RPA3: variants seen among roughly 807,000 people sequenced by gnomAD.
The protein encoded by RPA3 is replication protein A 14 kDa subunit.
In RPA3, 24 loss-of-function variants were observed where a neutral mutation model predicts 13.7. The observed-to-expected ratio is 1.75, with a 90% confidence interval of 1.27 to 2.46. The LOEUF (loss-of-function observed/expected upper bound fraction) is 2.46. Ranked by LOEUF, RPA3 falls within the 30% of genes most tolerant of loss-of-function variation. The pLI is 0.00. For synonymous variants in RPA3, 59 were observed against 51.2 expected, an observed-to-expected ratio of 1.15 and a Z score of -0.65; for missense variants, 183 against 151.0, an observed-to-expected ratio of 1.21 and a Z score of -1.11.
chr7:7,640,452 C>G lies in RPA3; in HGVS notation c.-34G>C. ...TCCAAGACTGCGGCTGGCGGGAAAC[C>G]CACGGACGACTGAAACTGTGCGCCC... On this transcript the variant is annotated 5_prime_UTR_variant, in exon 5 of 8. Coordinates refer to ENST00000223129, the MANE Select transcript of RPA3 (RefSeq NM_002947.5). The G allele has an allele frequency of 6.2e-7, 1 of 1,600,202 alleles. No homozygotes were observed. The highest frequency in any genetic ancestry group is 8.6e-7 in the Non-Finnish European group (1 of 1,169,134).
At chr7:7,638,843 T>C (rs1373443604) in intron 6 of RPA3, 5 of 384,268 alleles carry the variant, frequency 1.3e-5, no homozygotes, top group African/African-American at 6.2e-5. Context: ...TTATCCAACA[T>C]TTATGGGATA....
chr7:7,711,522 T>C (rs928311547), intron 2 of RPA3, among the ~76,000 whole-genome samples: 7 of 152,360 alleles, frequency 4.6e-5, no homozygotes, highest in African/African-American at 1.4e-4. Flanking sequence ...CATGTAATAC[T>C]GTGAGACTTA....
intron 4 of RPA3, among the ~76,000 whole-genome samples, chr7:7,642,316 TTG>T (rs1554307558): frequency 2.0e-5 from 3 of 150,448 alleles, no homozygotes; most frequent in Admixed American, 2.0e-4. Flanking sequence ...GATTTTTTTT[TTG>T]TTGTTTGTTT....
In RPA3 at chr7:7,694,097, G is replaced by A. The variant is rs113661245; in HGVS notation, c.-1027-6769C>T. 5.8e-3 allele frequency among the ~76,000 whole-genome samples: 885 copies of A among 152,128 alleles called. 11 individuals are homozygous for A. The highest frequency in any genetic ancestry group is 0.02 in the African/African-American group (841 of 41,502). On this transcript the variant is annotated intron_variant, in intron 2 of 7. Coordinates refer to ENST00000223129, the MANE Select transcript of RPA3 (RefSeq NM_002947.5). ...GATTTTTCTCCATACCTATAGAGGG[G>A]CACTATGAAGTAGTTGGAAATTTGT...
At position 7,708,505 on chromosome 7, in the gene RPA3, T is replaced by G. The variant is rs527651450; in HGVS notation, c.-1028+6670A>C. 6.6e-5 allele frequency among the ~76,000 whole-genome samples: 10 copies of G among 152,306 alleles called. 1 individual carries two copies. The highest frequency in any genetic ancestry group is 2.4e-4 in the African/African-American group (10 of 41,574). On this transcript the variant is annotated intron_variant, in intron 2 of 7. Transcript: ENST00000223129. The stretch of plus-strand genomic sequence containing the variant: ...GATATAAGGGGATCAGGTCTAACAC[T>G]CTGTTAAGAAATTAATAGGATCTTT...
intron 4 of RPA3, among the ~76,000 whole-genome samples, chr7:7,664,293 C>T (rs10275145): frequency 0.04 from 6,110 of 152,212 alleles, 383 homozygotes; most frequent in African/African-American, 0.14. Flanking sequence ...CCATCTTAAT[C>T]CAGTCCCGTT....
rs1386724477 is a variant in RPA3 at position 7,647,464 on chromosome 7, G to C, written c.-757-6289C>G. 2.0e-5 allele frequency among the ~76,000 whole-genome samples: 3 copies of C among 152,130 alleles called. No homozygotes were observed. The East Asian group carries it at 5.8e-4, about 29-fold the overall frequency. On this transcript the variant is annotated intron_variant, in intron 4 of 7. Coordinates refer to ENST00000223129, the MANE Select transcript of RPA3 (RefSeq NM_002947.5). Reference sequence around the variant, plus strand: ...AAAAAAATGTATTTTCCAGTTGTTGGATCCAGTGTGTAAATTGCACTGTTC... The same window carrying C: ...AAAAAAATGTATTTTCCAGTTGTTGCATCCAGTGTGTAAATTGCACTGTTC...
chr7:7,676,201 C>T (rs931642216), intron 4 of RPA3: 1 of 398,652 alleles, frequency 2.5e-6, no homozygotes. Context: ...ACTCTCTACC[C>T]TTGGCAGGTT....
At chr7:7,697,027 G>A (rs1780337020) in intron 2 of RPA3, among the ~76,000 whole-genome samples, 1 of 152,116 alleles carries the variant, frequency 6.6e-6, no homozygotes. Flanking sequence ...TATAACTTCT[G>A]TCTTAGTACA....
chr7:7,655,952 C>T (rs1785331214), intron 4 of RPA3, among the ~76,000 whole-genome samples: 2 of 152,174 alleles, frequency 1.3e-5, no homozygotes, highest in South Asian at 4.1e-4. Flanking sequence ...TCTCCTGCCT[C>T]AGCCTTCCGA....
At chr7:7,664,678 A>G (rs1779392496) in intron 4 of RPA3, among the ~76,000 whole-genome samples, 1 of 152,184 alleles carries the variant, frequency 6.6e-6, no homozygotes. Context: ...ACTCAAGGCT[A>G]CCTAGTCTGC....
At chr7:7,676,918 G>A (rs888970589) in intron 4 of RPA3, among the ~76,000 whole-genome samples, 1 of 151,990 alleles carries the variant, frequency 6.6e-6, no homozygotes, top group Non-Finnish European at 1.5e-5. Flanking sequence ...GATTTGCTCT[G>A]CTAGGTTTCT....
rs1291373256 is a variant in RPA3 at position 7,689,871 on chromosome 7, C to T, written c.-1027-2543G>A. 3.3e-5 allele frequency among the ~76,000 whole-genome samples: 5 copies of T among 152,118 alleles called. No homozygotes were observed. The South Asian group carries it at 8.3e-4, about 25-fold the overall frequency. On this transcript the variant is annotated intron_variant, in intron 2 of 7. Transcript: ENST00000223129. ...GGGAGACCATATTACTGCTACAAAG[C>T]AGCTAGTGATTAACAACCATAGTAA...
chr7:7,660,543 T>G (rs1271769853), intron 4 of RPA3, among the ~76,000 whole-genome samples: 1 of 152,248 alleles, frequency 6.6e-6, no homozygotes, highest in East Asian at 1.9e-4. Flanking sequence ...AAGGATTTTA[T>G]TTCTCATTTG....
At chr7:7,653,097 T>G (rs1292713057) in intron 4 of RPA3, among the ~76,000 whole-genome samples, 1 of 152,250 alleles carries the variant, frequency 6.6e-6, no homozygotes, top group African/African-American at 2.4e-5. Flanking sequence ...ATTTGTTTTA[T>G]GTGGAGAGAT....
intron 4 of RPA3, among the ~76,000 whole-genome samples, chr7:7,662,863 A>G (rs188641593): frequency 6.7e-4 from 102 of 152,290 alleles, no homozygotes; most frequent in African/African-American, 2.2e-3. Context: ...TAAAAGAAAG[A>G]TATAATGATT....
intron 4 of RPA3, among the ~76,000 whole-genome samples, chr7:7,652,399 TTACA>T (rs1410806059): frequency 2.6e-5 from 4 of 152,238 alleles, no homozygotes; most frequent in Non-Finnish European, 5.9e-5. Context: ...GTGTGTTTCT[TTACA>T]TACATTTTGT....
intron 4 of RPA3, among the ~76,000 whole-genome samples, chr7:7,669,649 T>C (rs1779556154): frequency 6.6e-6 from 1 of 152,202 alleles, no homozygotes; most frequent in Non-Finnish European, 1.5e-5. Flanking sequence ...CCCAAGACTC[T>C]TATTGTAAAC....
intron 2 of RPA3, among the ~76,000 whole-genome samples, chr7:7,696,497 T>C (rs1390738346): frequency 2.0e-5 from 3 of 152,178 alleles, no homozygotes; most frequent in African/African-American, 7.2e-5. Context: ...TAACCTGTTA[T>C]ATGAATTTAG....
Sources: gnomAD v4.1 joint callset for allele counts (sites outside exome capture counted in the v4.1 genomes callset) on GRCh38, gnomAD v4.1.1 for gene constraint, MANE v1.5 for transcripts, NCBI Gene and HGNC (gene_info 2026-07-23, HGNC 2026-07-21) for gene names.